KLHL22: variants seen among roughly 807,000 people sequenced by gnomAD.
The protein encoded by KLHL22 is kelch-like protein 22.
KLHL22 carries 18 observed loss-of-function variants against 60.7 expected under a neutral mutation model. The observed-to-expected ratio is 0.30, with a 90% CI of 0.20 to 0.44. The LOEUF is 0.44. Among genes scored for constraint, KLHL22 ranks in the 20% least tolerant of loss-of-function variants. KLHL22 has a pLI of 1.00. For missense variants in KLHL22, 596 were observed against 852.3 expected (o/e 0.70, Z 3.74); for synonymous variants, 355 against 354.5 (o/e 1.00, Z -0.01).
At chr22:20,483,779 C>A (rs1827307536) in intron 2 of KLHL22, 6 of 742,018 alleles carry the variant, frequency 8.1e-6, no homozygotes, top group Middle Eastern at 3.0e-4. Flanking sequence ...GGATTTTGCT[C>A]TCCAGCTTCC....
chr22:20,474,933 T>C (rs1017284693), intron 2 of KLHL22, among the ~76,000 whole-genome samples: 2 of 152,202 alleles, frequency 1.3e-5, no homozygotes, highest in Non-Finnish European at 2.9e-5. Flanking sequence ...CTGCACCCTC[T>C]ACCCCCAACC....
chr22:20,473,880 A>C (rs1451106378), intron 2 of KLHL22, among the ~76,000 whole-genome samples: 1 of 152,160 alleles, frequency 6.6e-6, no homozygotes, highest in Non-Finnish European at 1.5e-5. Context: ...TGTCACACAC[A>C]CAAAAAAAAT....
At chr22:20,445,071 C>T (rs963257861) in intron 6 of KLHL22, among the ~76,000 whole-genome samples, 2 of 152,024 alleles carry the variant, frequency 1.3e-5, no homozygotes, top group Non-Finnish European at 2.9e-5. Context: ...GGGTGTGAGC[C>T]ACTGTGCCCA....
chr22:20,488,681 A>AGGGAGGGGAGGGGAAGGGAGAGGAG, intron 2 of KLHL22: 1 of 382,708 alleles, frequency 2.6e-6, no homozygotes, highest in Non-Finnish European at 4.8e-6. Context: ...AGGAATGGTA[A>AGGGAGGGGAGGGGAAGGGAGAGGAG]GGGAGGGGAG....
intron 2 of KLHL22, among the ~76,000 whole-genome samples, chr22:20,479,680 A>G (rs968964132): frequency 6.6e-6 from 1 of 152,214 alleles, no homozygotes; most frequent in Non-Finnish European, 1.5e-5. Flanking sequence ...TAGGTGACAG[A>G]GCAAAATCCT....
At chr22:20,485,093 C>T (rs904839997) in intron 2 of KLHL22, among the ~76,000 whole-genome samples, 3 of 152,012 alleles carry the variant, frequency 2.0e-5, no homozygotes, top group African/African-American at 7.2e-5. Flanking sequence ...TCAATTGTAT[C>T]CAAACTTTTA....
At position 20,489,180 on chromosome 22, in the gene KLHL22, C is replaced by A; in HGVS notation, c.32G>T (p.Cys11Phe). MAEEQEFTQL[C>F]KLPAQPSHPH... ...GTGTGAGGGCTGTGCAGGCAACTTG[C>A]AGAGCTGGGTGAACTCCTGCTCCTC... The change falls in exon 2 of 7, where the codon TGC becomes TTC. Residue 11 changes from cysteine to phenylalanine, a missense_variant. Physicochemically the swap from Cys to Phe is radical, Grantham distance 205 (BLOSUM62 -2). Coordinates refer to ENST00000328879, the MANE Select transcript of KLHL22 (RefSeq NM_032775.4). 6.2e-7 allele frequency: 1 copy of A among 1,614,132 alleles called. No individual in the cohort carries two copies.
intron 4 of KLHL22, among the ~76,000 whole-genome samples, chr22:20,464,312 G>C (rs1458858419): frequency 2.6e-5 from 4 of 152,258 alleles, no homozygotes. Context: ...GGTGATGCTT[G>C]TTGGCCTTTA....
intron 1 of KLHL22, chr22:20,491,059 T>C (rs1486646488): frequency 6.6e-6 from 1 of 152,216 alleles, no homozygotes; most frequent in Admixed American, 6.5e-5. Flanking sequence ...TCAACTAATT[T>C]GTTAGAGCGA....
chr22:20,478,724 C>T (rs1255094320), intron 2 of KLHL22, among the ~76,000 whole-genome samples: 1 of 148,710 alleles, frequency 6.7e-6, no homozygotes, highest in Non-Finnish European at 1.5e-5. Context: ...CAGTGTTAGC[C>T]AGGATGGTCT....
intron 2 of KLHL22, among the ~76,000 whole-genome samples, chr22:20,481,747 G>A (rs2053505601): frequency 6.6e-6 from 1 of 152,038 alleles, no homozygotes; most frequent in Admixed American, 6.6e-5. Context: ...GGGACTACAG[G>A]TGTGTGCCAC....
rs1259278556 is a variant in KLHL22 at position 20,446,469 on chromosome 22, C to T, written c.1513G>A (p.Ala505Thr). 6.2e-7 allele frequency: 1 copy of T among 1,611,088 alleles called. No individual in the cohort carries two copies. The highest frequency in any genetic ancestry group is 1.7e-5 in the Admixed American group (1 of 59,972). Residue 505 changes from alanine (A) to threonine (T), a missense_variant, in exon 6 of 7, where the codon GCC becomes ACC. Physicochemically the swap from Ala to Thr is moderately conservative, Grantham distance 58 (BLOSUM62 0). Coordinates refer to ENST00000328879, the MANE Select transcript of KLHL22 (RefSeq NM_032775.4). ...LYVIGGSNND[A>T]GYRRDVHQVA... The stretch of plus-strand genomic sequence containing the variant: ...TGGTGCACGTCCCTCCTGTATCCGG[C>T]ATCGTTGTTGCTGCCCCCGATCACA...
At position 20,487,423 on chromosome 22, in the gene KLHL22, T is replaced by C. The variant is rs534140688; in HGVS notation, c.227+1562A>G. 1.1e-4 allele frequency among the ~76,000 whole-genome samples: 16 copies of C among 151,288 alleles called. No individual in the cohort carries two copies. The South Asian group carries it at 3.1e-3, about 30-fold the overall frequency. Reference sequence around the variant, plus strand: ...TTTTAGTAGAGACAGGGTTTCACCATGTTGGCCAGGCTAGTCTCAAACTCC... The same window carrying C: ...TTTTAGTAGAGACAGGGTTTCACCACGTTGGCCAGGCTAGTCTCAAACTCC... On this transcript the variant is annotated intron_variant, in intron 2 of 6. Transcript: ENST00000328879.
At chr22:20,483,884 C>T (rs569980887) in intron 2 of KLHL22, 10 of 702,540 alleles carry the variant, frequency 1.4e-5, no homozygotes, top group Non-Finnish European at 2.1e-5. Flanking sequence ...GGATGCTTCC[C>T]ATTCCTGCCA....
rs35379911 is a variant in KLHL22 at position 20,458,273 on chromosome 22, CTTTT to C, written c.1113-277_1113-274del. Among the ~76,000 whole-genome samples, 11 of 76,512 alleles carry C rather than the reference CTTTT, an allele frequency of 1.4e-4. No individual in the cohort carries two copies. In the South Asian group the frequency reaches 2.1e-3, roughly 14 times the overall value. The allele number at this position is 76,512 out of a possible 152,430, so 50.2% of individuals were successfully genotyped here. ...TGTCCACCTGGGCTGTCCAATGGCT[CTTTT>C]TTTTTTTTTTTTTTTTTTTTTGTGG... On this transcript the variant is annotated intron_variant, in intron 4 of 6. Transcript: ENST00000328879.
chr22:20,467,307 A>G (rs1253847185), intron 3 of KLHL22, among the ~76,000 whole-genome samples: 1 of 152,094 alleles, frequency 6.6e-6, no homozygotes, highest in African/African-American at 2.4e-5. Flanking sequence ...AATTCCTTAA[A>G]CCCTCATAGA....
chr22:20,486,244 C>T (rs1422591934), intron 2 of KLHL22, among the ~76,000 whole-genome samples: 1 of 152,008 alleles, frequency 6.6e-6, no homozygotes, highest in Non-Finnish European at 1.5e-5. Flanking sequence ...GAAATTCAGC[C>T]TCCCTCTCCC....
Position 20,457,946 on chromosome 22 carries a change from G to A in KLHL22, c.1167C>T (p.His389=), listed in dbSNP as rs768193484. The stretch of plus-strand genomic sequence containing the variant: ...CTACAACACACACGGACAGGTCGGC[G>A]TGCTCCTGCTGCAGGGACTGGATCT... The part of the protein sequence containing the change: ...WFQIQSLQQE[H]ADLSVCVVGR... The change falls in exon 5 of 7, where the codon CAC becomes CAT. Residue 389 remains histidine, a synonymous_variant. Transcript: ENST00000328879. 2.3e-5 allele frequency: 37 copies of A among 1,614,062 alleles called. No individual in the cohort carries two copies. In the Middle Eastern group the frequency reaches 4.9e-4, roughly 22 times the overall value.
chr22:20,446,231 C>G (rs558907622), intron 6 of KLHL22, among the ~76,000 whole-genome samples: 1 of 152,024 alleles, frequency 6.6e-6, no homozygotes, highest in Non-Finnish European at 1.5e-5. Flanking sequence ...CCCTCTGGAG[C>G]GAGAGGTCTG....
Sources: allele counts gnomAD v4.1 joint callset (sites outside exome capture counted in the v4.1 genomes callset), GRCh38; gene constraint gnomAD v4.1.1; transcripts MANE v1.5; gene names NCBI Gene and HGNC (gene_info 2026-07-23, HGNC 2026-07-21).